Variants in TCF20 observed in about 807,000 individuals in gnomAD.
TCF20 encodes the protein SPRE-binding protein.
TCF20 carries 3 observed loss-of-function variants against 148.6 expected under a neutral mutation model. The observed-to-expected ratio is 0.02, with a 90% confidence interval of 0.01 to 0.05. TCF20 has a LOEUF of 0.05. TCF20 is among the 10% of genes least tolerant of loss of function. The probability of loss-of-function intolerance (pLI) is 1.00; values close to 1 mark genes in which losing one functional copy is unlikely to be tolerated. For synonymous variants in TCF20, 1,049 were observed against 909.5 expected, an observed-to-expected ratio of 1.15 and a Z score of -2.76; for missense variants, 2,350 against 2,429.3, an observed-to-expected ratio of 0.97 and a Z score of 0.69.
At chr22:42,340,854 G>T (rs1928151531) in intron 1 of TCF20, among the ~76,000 whole-genome samples, 2 of 150,486 alleles carry the variant, frequency 1.3e-5, no homozygotes, top group South Asian at 2.2e-4. Context: ...AGGGGGAGGG[G>T]AAAGGGGAGG....
chr22:42,221,738 G>GTTTTTTTTTTTTTTTT (rs1249442201), intron 1 of TCF20, among the ~76,000 whole-genome samples: 1 of 40,694 alleles, frequency 2.5e-5, no homozygotes, highest in African/African-American at 2.1e-4. Flanking sequence ...TATGGCAAAG[G>GTTTTTTTTTTTTTTTT]GTTTTTTTTT....
chr22:42,333,758 G>A (rs1038168634), intron 1 of TCF20, among the ~76,000 whole-genome samples: 27 of 152,262 alleles, frequency 1.8e-4, no homozygotes, highest in Non-Finnish European at 1.0e-4. Flanking sequence ...AGAGGAAGGC[G>A]ATAGAAGGCA....
chr22:42,209,515 A>C (rs1454386609), intron 2 of TCF20, 136 bp downstream of exon 2: 1 of 1,049,992 alleles, frequency 9.5e-7, no homozygotes, highest in Non-Finnish European at 1.4e-6. Context: ...TACCTATTTC[A>C]TTTTCTGTCC....
rs565053114 is a variant in TCF20, at chr22:42,210,905, T to G, written c.4401A>C (p.Thr1467=). 1 of 1,614,176 alleles carries G rather than the reference T, an allele frequency of 6.2e-7. No individual in the cohort carries two copies. The highest frequency in any genetic ancestry group is 1.1e-5 in the South Asian group (1 of 91,082). The part of the protein sequence containing the change: ...GKEPPGAMTS[T]TSQKPGSNQG... ...GGTTACTACCAGGCTTCTGTGAGGT[T>G]GTGGATGTCATGGCACCAGGGGGTT... The change falls in exon 2 of 6, where the codon ACA becomes ACC. Residue 1467 remains threonine, a synonymous_variant. Transcript: ENST00000677622. The surrounding 1 kb of genome is among the most constrained non-coding windows in gnomAD (Gnocchi z 4.7).
At position 42,243,292 on chromosome 22, in the gene TCF20, C is replaced by CAAAAAAAAAAA. The variant is rs3045578; in HGVS notation, c.-37+27036_-37+27046dup. 2.2e-3 allele frequency among the ~76,000 whole-genome samples: 87 copies of CAAAAAAAAAAA among 39,502 alleles called. 24 individuals carry two copies. The highest frequency in any genetic ancestry group is 7.4e-3 in the East Asian group (5 of 678). The allele number at this position is 39,502 out of a possible 152,430, so 25.9% of individuals were successfully genotyped here. A position where few individuals can be genotyped will look rare whatever the true frequency, so the allele number is the denominator to read the frequency against. ...TGGCTGGCAGAGCAAGACACTGTCT[C>CAAAAAAAAAAA]AAAAAAAAAAAAAAAAAAAAAAAAA... On this transcript the variant is annotated intron_variant, in intron 1 of 5. Transcript: ENST00000677622.
chr22:42,213,099 A>C lies in TCF20; in HGVS notation c.2207T>G (p.Phe736Cys), dbSNP rs752522827. 6.2e-7 allele frequency: 1 copy of C among 1,614,090 alleles called. No homozygotes were observed. Among genetic ancestry groups the C allele is most frequent in the South Asian group, 1.1e-5 (1 of 91,076 alleles). Reference protein sequence around the residue: ...QYPTGQEKGDFTGHGERKGRN... With the variant: ...QYPTGQEKGDCTGHGERKGRN... The stretch of plus-strand genomic sequence containing the variant: ...ACCCTTTCGTTCCCCATGGCCAGTG[A>C]AATCTCCCTTTTCTTGCCCTGTAGG... The change falls in exon 2 of 6, where the codon TTC (phenylalanine) becomes TGC (cysteine). Residue 736 changes from phenylalanine to cysteine, a missense_variant. Phe to Cys is a radical substitution (Grantham distance 205). This residue lies in a region of TCF20 where 1,641 missense variants were observed against 1,662.6 expected (regional missense o/e 0.99). Coordinates refer to ENST00000677622, the MANE Select transcript of TCF20 (RefSeq NM_001378418.1).
chr22:42,218,464 A>ATG (rs1405911308), intron 1 of TCF20, among the ~76,000 whole-genome samples: 3 of 152,172 alleles, frequency 2.0e-5, no homozygotes, highest in African/African-American at 7.2e-5. Flanking sequence ...TCCCCTTGTG[A>ATG]TGTGCTCCTG....
intron 1 of TCF20, among the ~76,000 whole-genome samples, chr22:42,312,196 T>G (rs995910685): frequency 2.0e-5 from 3 of 152,036 alleles, no homozygotes; most frequent in Admixed American, 6.5e-5. Context: ...CATGGATGAG[T>G]GAATGAGTAA....
chr22:42,339,959 CTGCATACTCAGCAAAG>C (rs145009787), intron 1 of TCF20, among the ~76,000 whole-genome samples: 5,382 of 152,296 alleles, frequency 0.035, 230 homozygotes, highest in East Asian at 0.24. Flanking sequence ...GCCTCAGTCC[CTGCATACTCAGCAAAG>C]CTCCCCCTGC....
rs1436796001 is a variant in TCF20, at chr22:42,210,170, G to A, written c.5136C>T (p.Ala1712=). The A allele has an allele frequency of 3.7e-6, 6 of 1,614,158 alleles. No individual in the cohort carries two copies. Among genetic ancestry groups the A allele is most frequent in the Non-Finnish European group, 4.2e-6 (5 of 1,180,034 alleles). Residue 1712 remains alanine (A), a synonymous_variant, in exon 2 of 6, where the codon GCC becomes GCT. Coordinates refer to ENST00000677622, the MANE Select transcript of TCF20 (RefSeq NM_001378418.1). This position sits in a 1 kb window ranked among gnomAD's most constrained non-coding sequence, Gnocchi z 4.7. ...HLVCCLCGKW[A]SYRNMGDLFG... is the part of the protein sequence containing the mutation. ...AGAGGTCACCCATGTTCCGGTAACT[G>A]GCCCACTTGCCACACAGACAGCAAA...
rs553151457 is a variant in TCF20, at chr22:42,290,945, G to T, written c.-37+52534C>A. ...CTCGGTACAACCTCAGTACAACCAT[G>T]AGAGGCAGCTTGAAAATGCCCATTT... On this transcript the variant is annotated intron_variant, in intron 1 of 1. Transcript: ENST00000515426. The surrounding 1 kb of genome is among the most constrained non-coding windows in gnomAD (Gnocchi z 4.2). Among the ~76,000 whole-genome samples the T allele has an allele frequency of 6.6e-6, 1 of 152,176 alleles. No homozygotes were observed. The highest frequency in any genetic ancestry group is 2.4e-5 in the African/African-American group (1 of 41,434).
intron 2 of TCF20, among the ~76,000 whole-genome samples, chr22:42,189,485 T>G (rs565011340): frequency 6.6e-6 from 1 of 152,240 alleles, no homozygotes; most frequent in African/African-American, 2.4e-5. Flanking sequence ...CCAAATGACA[T>G]TTTATGGGTA....
intron 2 of TCF20, among the ~76,000 whole-genome samples, chr22:42,192,964 C>A (rs1445321094): frequency 6.6e-6 from 1 of 152,212 alleles, no homozygotes; most frequent in Admixed American, 6.5e-5. Flanking sequence ...AGTTAAAAAA[C>A]ACAGACTGAG....
At chr22:42,272,713 C>T (rs1255212942), upstream of TCF20, among the ~76,000 whole-genome samples, 2 of 152,218 alleles carry the variant, frequency 1.3e-5, no homozygotes, top group Admixed American at 1.3e-4. Context: ...CCTCTTTATC[C>T]CTGAAAGCCT....
At chr22:42,340,134 C>T (rs932104532) in intron 1 of TCF20, among the ~76,000 whole-genome samples, 1 of 152,196 alleles carries the variant, frequency 6.6e-6, no homozygotes, top group African/African-American at 2.4e-5. Context: ...GCTTCACTGG[C>T]CCCCTTAGAG....
intron 2 of TCF20, among the ~76,000 whole-genome samples, chr22:42,179,970 G>T (rs1421560311): frequency 6.6e-6 from 1 of 152,098 alleles, no homozygotes; most frequent in Non-Finnish European, 1.5e-5. Context: ...TGTCATAAAG[G>T]ACATGCCAGA....
chr22:42,214,632 T>A lies in TCF20; in HGVS notation c.674A>T (p.Gln225Leu). The change falls in exon 2 of 6, where the codon CAG becomes CTG. Residue 225 changes from glutamine (Q) to leucine (L), a missense_variant. Gln to Leu is a moderately radical substitution (Grantham distance 113, BLOSUM62 -2). Transcript: ENST00000677622. ...STLPSSAAGY[Q>L]LRVGQFGQHY... ...TTGGCCAAACTGACCCACTCTTAACTGGTAACCAGCAGCAGAGGATGGCAG... is the reference window on the plus strand; with the variant it reads ...TTGGCCAAACTGACCCACTCTTAACAGGTAACCAGCAGCAGAGGATGGCAG... 1 of 1,614,136 alleles carries A rather than the reference T, an allele frequency of 6.2e-7. No homozygotes were observed. The highest frequency in any genetic ancestry group is 8.5e-7 in the Non-Finnish European group (1 of 1,180,026).
rs547430134 is a variant in TCF20, at chr22:42,183,419, C to T, written c.5656-3717G>A. ...AATCACACAGGCCCATAAAAGCAAACGATTCCCCCCCAGAGGGAGTTACAG... is the reference window on the plus strand; with the variant it reads ...AATCACACAGGCCCATAAAAGCAAATGATTCCCCCCCAGAGGGAGTTACAG... On this transcript the variant is annotated intron_variant, in intron 2 of 5. Transcript: ENST00000677622. 9.8e-5 allele frequency among the ~76,000 whole-genome samples: 15 copies of T among 152,294 alleles called. No individual in the cohort carries two copies. In the South Asian group the frequency reaches 2.3e-3, roughly 23 times the overall value.
At position 42,211,556 on chromosome 22, in the gene TCF20, G is replaced by A; in HGVS notation, c.3750C>T (p.Pro1250=). ...AACGAACACGCCTCCTCATGATTAAGGGGTTTTGAGAAGAATGATCCTCCT... is the reference window on the plus strand; with the variant it reads ...AACGAACACGCCTCCTCATGATTAAAGGGTTTTGAGAAGAATGATCCTCCT... ...PGQEDHSSQN[P]LIMRRRVRSF... is the part of the protein sequence containing the mutation. Residue 1250 remains proline, a synonymous_variant, in exon 2 of 6, where the codon CCC becomes CCT. Coordinates refer to ENST00000677622, the MANE Select transcript of TCF20 (RefSeq NM_001378418.1). The A allele has an allele frequency of 6.2e-7, 1 of 1,614,214 alleles. No homozygotes were observed. Among genetic ancestry groups the A allele is most frequent in the East Asian group, 2.2e-5 (1 of 44,890 alleles).
Sources: gnomAD v4.1 joint callset for allele counts (sites outside exome capture counted in the v4.1 genomes callset) on GRCh38, gnomAD v4.1.1 for gene constraint, gnomAD v4.1.1 regional missense constraint, Gnocchi (gnomAD v3.1) non-coding constraint, MANE v1.5 for transcripts, NCBI Gene and HGNC (gene_info 2026-07-23, HGNC 2026-07-21) for gene names.